Variants in LRRC37A3 observed in about 807,000 individuals in gnomAD.
LRRC37A3 encodes the protein leucine rich repeat containing 37 member A3, also known as leucine-rich repeat-containing protein 37A3.
In LRRC37A3, 25 loss-of-function variants were observed where a neutral mutation model predicts 106.2. That is an observed-to-expected ratio of 0.24 (90% CI 0.17 to 0.33). LRRC37A3 has a LOEUF of 0.33. Among genes scored for constraint, LRRC37A3 ranks in the 10% least tolerant of loss-of-function variants. The pLI, the probability that LRRC37A3 is intolerant of heterozygous loss-of-function variation, is 1.00. For synonymous variants in LRRC37A3, 305 were observed against 635.8 expected (o/e 0.48, Z 7.83); for missense variants, 712 against 1,644.9 (o/e 0.43, Z 9.81).
chr17:64,873,964 A>G (rs1451104447), intron 8 of LRRC37A3, among the ~76,000 whole-genome samples: 1 of 152,216 alleles, frequency 6.6e-6, no homozygotes, highest in Non-Finnish European at 1.5e-5. Context: ...AAGTAGGAAA[A>G]ACTGAGGGAT....
At chr17:64,901,060 T>C (rs1309137494) in intron 2 of LRRC37A3, 1 of 150,686 alleles carries the variant, frequency 6.6e-6, no homozygotes. Context: ...GGTCCCGCTT[T>C]GTTTTCCAGG....
chr17:64,918,189 A>T (rs1173193172), intron 2 of LRRC37A3, among the ~76,000 whole-genome samples: 6 of 111,360 alleles, frequency 5.4e-5, no homozygotes, highest in Admixed American at 9.7e-5. Flanking sequence ...TATCTGATTT[A>T]AAAAAAAAAA....
chr17:64,912,673 A>C (rs889365611), intron 2 of LRRC37A3, among the ~76,000 whole-genome samples: 5 of 151,322 alleles, frequency 3.3e-5, no homozygotes, highest in South Asian at 2.1e-4. Context: ...ATTAAATGTA[A>C]ATGGTCCAAA....
rs1315275381 is a variant in LRRC37A3, at chr17:64,855,864, T to C, written c.4835A>G (p.Gln1612Arg). 1.2e-6 allele frequency: 2 copies of C among 1,611,744 alleles called. No homozygotes were observed. Among genetic ancestry groups the C allele is most frequent in the African/African-American group, 2.7e-5 (2 of 74,860 alleles). Reference protein sequence around the residue: ...IEICCHRRSLQEDEEGFSRDS... With the variant: ...IEICCHRRSLREDEEGFSRDS... ...CCTTGAGAATCCTTCTTCATCTTCT[T>C]GTAATGACCTTCGGTGACAACAGAT... The change falls in exon 14 of 15, where the codon CAA (glutamine) becomes CGA (arginine). Residue 1612 changes from glutamine to arginine, a missense_variant. Coordinates refer to ENST00000584306, the MANE Select transcript of LRRC37A3 (RefSeq NM_199340.5).
chr17:64,859,054 G>T (rs1972776099), intron 12 of LRRC37A3, among the ~76,000 whole-genome samples, 171 bp from the exon 13 acceptor site: 3 of 152,080 alleles, frequency 2.0e-5, no homozygotes, highest in Admixed American at 1.3e-4. Context: ...CTGGGCTCAG[G>T]TGATCCTCCC....
At chr17:64,861,941 A>C (rs1366397029) in intron 11 of LRRC37A3, among the ~76,000 whole-genome samples, 1 of 152,078 alleles carries the variant, frequency 6.6e-6, no homozygotes, top group African/African-American at 2.4e-5. Flanking sequence ...ATTGTGAGAA[A>C]GGGGAAGAAA....
intron 2 of LRRC37A3, among the ~76,000 whole-genome samples, chr17:64,915,030 C>T (rs2685580): frequency 1.3e-5 from 2 of 152,104 alleles, no homozygotes; most frequent in East Asian, 3.8e-4. Flanking sequence ...AAAACTCAGT[C>T]AGATAGAAGG....
Position 64,897,274 on chromosome 17 carries a change from C to A in LRRC37A3, c.-17G>T, listed in dbSNP as rs554695612. On this transcript the variant is annotated 5_prime_UTR_variant, in exon 4 of 15. Coordinates refer to ENST00000584306, the MANE Select transcript of LRRC37A3 (RefSeq NM_199340.5). ...GGAAGTCATTCTGGCAGCTCCGAGA[C>A]GCTCGTGCCCCTTGTAAGCATGAGT... 1 of 1,609,742 alleles carries A rather than the reference C, an allele frequency of 6.2e-7. No individual in the cohort carries two copies. Among genetic ancestry groups the A allele is most frequent in the South Asian group, 1.1e-5 (1 of 91,006 alleles).
chr17:64,873,748 A>G (rs1460675958), intron 8 of LRRC37A3, among the ~76,000 whole-genome samples: 1 of 151,898 alleles, frequency 6.6e-6, no homozygotes, highest in Non-Finnish European at 1.5e-5. Flanking sequence ...ACTCTGAGGA[A>G]CAGAAATAAA....
chr17:64,854,432 G>A lies in LRRC37A3; in HGVS notation c.*167C>T, dbSNP rs1972607048. ...CCCTGAGCATATGTTTTCAGGTCTG[G>A]GTGACTAATTAGACTGGGAAACAAG... On this transcript the variant is annotated 3_prime_UTR_variant, in exon 15 of 15. Coordinates refer to ENST00000584306, the MANE Select transcript of LRRC37A3 (RefSeq NM_199340.5). The A allele has an allele frequency of 1.0e-6, 1 of 979,770 alleles. No homozygotes were observed. Among genetic ancestry groups the A allele is most frequent in the Admixed American group, 2.6e-5 (1 of 38,256 alleles). The allele number at this position is 979,770 out of a possible 1,614,324, so 60.7% of individuals were successfully genotyped here. A position where few individuals can be genotyped will look rare whatever the true frequency, so the allele number is the denominator to read the frequency against.
At chr17:64,906,739 T>C (rs1353658486) in intron 2 of LRRC37A3, among the ~76,000 whole-genome samples, 1 of 150,198 alleles carries the variant, frequency 6.7e-6, no homozygotes, top group Non-Finnish European at 1.5e-5. Flanking sequence ...GACTATTTTT[T>C]TTTTTTTTTT....
In LRRC37A3 at chr17:64,879,001, A is replaced by G. The variant is rs562075686; in HGVS notation, c.2906+7085T>C. Among the ~76,000 whole-genome samples the G allele has an allele frequency of 2.0e-4, 30 of 152,284 alleles. No homozygotes were observed. The South Asian group carries it at 6.2e-3, about 32-fold the overall frequency. On this transcript the variant is annotated intron_variant, in intron 8 of 14. Coordinates refer to ENST00000584306, the MANE Select transcript of LRRC37A3 (RefSeq NM_199340.5). ...CAATGGAATATCACTCAGCCTTGCA[A>G]AGGAATGATCCATGCTGCAGCATGG...
chr17:64,910,832 G>A (rs1428884569), intron 2 of LRRC37A3, among the ~76,000 whole-genome samples: 1 of 148,748 alleles, frequency 6.7e-6, no homozygotes, highest in Admixed American at 6.7e-5. Flanking sequence ...AGTAGAGACG[G>A]GGTCTCACCA....
chr17:64,863,134 C>T (rs1200679684), intron 10 of LRRC37A3, 116 bp from the exon 11 acceptor site: 27 of 1,439,832 alleles, frequency 1.9e-5, no homozygotes, highest in Non-Finnish European at 2.6e-5. Flanking sequence ...AGCCTGTGGA[C>T]TGGACAGTTG....
chr17:64,918,963 G>A (rs1357642083), intron 1 of LRRC37A3, 93 bp from the exon 2 acceptor site: 4 of 1,154,418 alleles, frequency 3.5e-6, no homozygotes, highest in South Asian at 4.2e-5. Context: ...GCAGCTGTCC[G>A]GGCCAGGTGG....
At chr17:64,861,085 G>A in intron 11 of LRRC37A3, 112 bp from the exon 12 acceptor site, 3 of 1,547,012 alleles carry the variant, frequency 1.9e-6, no homozygotes, top group Non-Finnish European at 2.7e-6. Context: ...ACATTCGAGT[G>A]CCATTCAGAG....
intron 10 of LRRC37A3, among the ~76,000 whole-genome samples, chr17:64,865,661 G>A (rs957851642): frequency 6.6e-6 from 1 of 152,094 alleles, no homozygotes; most frequent in Non-Finnish European, 1.5e-5. Context: ...CAGACATAAT[G>A]ACCCTTCACC....
At chr17:64,890,767 G>T (rs1188457615) in intron 5 of LRRC37A3, among the ~76,000 whole-genome samples, 2 of 145,764 alleles carry the variant, frequency 1.4e-5, no homozygotes, top group Non-Finnish European at 2.9e-5. Flanking sequence ...GGGAGGTGGA[G>T]GTTGCAGTGA....
intron 2 of LRRC37A3, among the ~76,000 whole-genome samples, chr17:64,899,419 CAAAAAAAAAAAA>C (rs71215666): frequency 1.0e-5 from 1 of 100,278 alleles, no homozygotes; most frequent in Admixed American, 9.7e-5. Context: ...GACTCCATCT[CAAAAAAAAAAAA>C]AAAAAAAAAG....
Sources: allele counts gnomAD v4.1 joint callset (sites outside exome capture counted in the v4.1 genomes callset), GRCh38; gene constraint gnomAD v4.1.1; transcripts MANE v1.5; gene names NCBI Gene and HGNC (gene_info 2026-07-23, HGNC 2026-07-21).